ARMH4: variants seen among roughly 807,000 people sequenced by gnomAD.
The protein encoded by ARMH4 is armadillo like helical domain containing 4.
In ARMH4, 49 loss-of-function variants were observed where a neutral mutation model predicts 61.9. That is an observed-to-expected ratio of 0.79 (90% CI 0.63 to 1.00). The LOEUF is 1.00. Among genes scored for constraint, ARMH4 ranks in the 50% least tolerant of loss-of-function variants. The probability of loss-of-function intolerance (pLI) is 0.00; values close to 1 mark genes in which losing one functional copy is unlikely to be tolerated. For missense variants in ARMH4, 934 were observed against 930.0 expected, an observed-to-expected ratio of 1.00 and a Z score of -0.06; for synonymous variants, 368 against 341.5, an observed-to-expected ratio of 1.08 and a Z score of -0.85.
chr14:58,072,788 G>C (rs957455963), intron 5 of ARMH4, among the ~76,000 whole-genome samples: 8 of 152,048 alleles, frequency 5.3e-5, no homozygotes, highest in Non-Finnish European at 1.2e-4. Context: ...ACCTACTGCT[G>C]AGTTCAAGGA....
At chr14:58,146,984 A>G (rs1887752869) in intron 1 of ARMH4, among the ~76,000 whole-genome samples, 1 of 152,172 alleles carries the variant, frequency 6.6e-6, no homozygotes, top group African/African-American at 2.4e-5. Context: ...AGTTCGCTTT[A>G]TATTTTCCTT....
chr14:58,061,563 A>G (rs1022632803), intron 5 of ARMH4, among the ~76,000 whole-genome samples: 2 of 152,224 alleles, frequency 1.3e-5, no homozygotes, highest in African/African-American at 4.8e-5. Flanking sequence ...TCAAGAAAGG[A>G]TATTTCTGAG....
intron 4 of ARMH4, chr14:58,116,388 T>C: frequency 2.6e-6 from 1 of 379,470 alleles, no homozygotes; most frequent in Non-Finnish European, 5.5e-6. Context: ...TTTAAATATT[T>C]TCTTGGCTGG....
At chr14:58,083,102 G>A (rs1885278877) in intron 5 of ARMH4, among the ~76,000 whole-genome samples, 1 of 152,202 alleles carries the variant, frequency 6.6e-6, no homozygotes, top group African/African-American at 2.4e-5. Flanking sequence ...AGTGGATTAT[G>A]AAGAGGGCAA....
At chr14:58,054,264 T>A (rs995557031) in intron 5 of ARMH4, among the ~76,000 whole-genome samples, 2 of 152,054 alleles carry the variant, frequency 1.3e-5, no homozygotes, top group African/African-American at 4.8e-5. Context: ...AATGATCACA[T>A]AAACCTCCCA....
intron 5 of ARMH4, among the ~76,000 whole-genome samples, chr14:58,063,005 C>T (rs1269317086): frequency 1.3e-5 from 2 of 152,310 alleles, no homozygotes; most frequent in Non-Finnish European, 2.9e-5. Flanking sequence ...AAATTTATTC[C>T]TCAGTTCTGA....
At chr14:58,109,229 G>A (rs150858113) in intron 4 of ARMH4, among the ~76,000 whole-genome samples, 1 of 152,214 alleles carries the variant, frequency 6.6e-6, no homozygotes, top group East Asian at 1.9e-4. Context: ...TTTATTGTGA[G>A]GTCAGAAAAA....
At chr14:58,092,439 C>G (rs748897729) in intron 5 of ARMH4, among the ~76,000 whole-genome samples, 1 of 152,204 alleles carries the variant, frequency 6.6e-6, no homozygotes, top group African/African-American at 2.4e-5. Context: ...CCTTAAATAC[C>G]TATTGAAATC....
At chr14:58,065,984 C>T (rs537670402) in intron 5 of ARMH4, among the ~76,000 whole-genome samples, 7 of 152,340 alleles carry the variant, frequency 4.6e-5, no homozygotes, top group African/African-American at 1.7e-4. Context: ...GGCAGATCCT[C>T]TTCAGTGAAT....
rs764857280 is a variant in ARMH4 at position 58,137,983 on chromosome 14, C to A, written c.1369+7G>T. 6.3e-7 allele frequency: 1 copy of A among 1,580,660 alleles called. No individual in the cohort carries two copies. The highest frequency in any genetic ancestry group is 1.2e-5 in the South Asian group (1 of 86,340). On this transcript the variant is annotated splice_region_variant and intron_variant, in intron 2 of 7. Coordinates refer to ENST00000267485, the MANE Select transcript of ARMH4 (RefSeq NM_001001872.4). ...CCAAAGTTTGTTTTTCTTTTTCTTT[C>A]TTTTACCTTTCATTGTATTTCCCAA...
At chr14:58,111,560 C>T (rs1886352499) in intron 4 of ARMH4, among the ~76,000 whole-genome samples, 1 of 152,192 alleles carries the variant, frequency 6.6e-6, no homozygotes, top group African/African-American at 2.4e-5. Context: ...ATCAAGGCAC[C>T]AGCCAGGTGG....
chr14:58,084,295 C>G (rs1885316059), intron 5 of ARMH4, among the ~76,000 whole-genome samples: 1 of 152,200 alleles, frequency 6.6e-6, no homozygotes, highest in Admixed American at 6.5e-5. Context: ...CTTTCTATCT[C>G]TCTGTGGTTT....
intron 1 of ARMH4, among the ~76,000 whole-genome samples, chr14:58,145,783 T>C (rs1830641713): frequency 6.6e-6 from 1 of 152,204 alleles, no homozygotes; most frequent in Non-Finnish European, 1.5e-5. Flanking sequence ...TTTTTCTATG[T>C]CTGTGTATTG....
intron 5 of ARMH4, among the ~76,000 whole-genome samples, chr14:58,069,006 GAAAAA>G (rs11352260): frequency 4.2e-5 from 5 of 119,018 alleles, no homozygotes; most frequent in Non-Finnish European, 8.6e-5. Flanking sequence ...ACTCTGTCTC[GAAAAA>G]AAAAAAAAAA....
In ARMH4 at chr14:58,137,009, T is replaced by A. The variant is rs141840126; in HGVS notation, c.1369+981A>T. On this transcript the variant is annotated intron_variant, in intron 2 of 7. Transcript: ENST00000267485. ...CTTTTTTTGTAAGAAATGTAAGGGA[T>A]GTGAGCATATTTTACAACAATGTGT... Among the ~76,000 whole-genome samples, 538 of 152,344 alleles carry A rather than the reference T, an allele frequency of 3.5e-3. 4 individuals are homozygous for A. Among genetic ancestry groups the A allele is most frequent in the African/African-American group, 0.012 (495 of 41,570 alleles).
intron 5 of ARMH4, among the ~76,000 whole-genome samples, chr14:58,027,651 T>C (rs768924907): frequency 4.4e-4 from 66 of 151,576 alleles, no homozygotes; most frequent in Non-Finnish European, 7.7e-4. Flanking sequence ...TGTGTGTGTG[T>C]GCTGAGAAAA....
chr14:58,043,403 A>T (rs1265722325), intron 5 of ARMH4, among the ~76,000 whole-genome samples: 1 of 152,144 alleles, frequency 6.6e-6, no homozygotes, highest in African/African-American at 2.4e-5. Context: ...AAAATTCAAC[A>T]ACGCTTCATG....
intron 4 of ARMH4, among the ~76,000 whole-genome samples, chr14:58,125,916 C>G (rs1485503885): frequency 6.6e-6 from 1 of 152,170 alleles, no homozygotes; most frequent in Non-Finnish European, 1.5e-5. Flanking sequence ...GGGCTTGCAA[C>G]TTAGCTCACA....
Position 58,011,782 on chromosome 14 carries a change from A to AAAAAAC in ARMH4, c.2121+336_2121+337insGTTTTT, listed in dbSNP as rs71107903. Among the ~76,000 whole-genome samples the AAAAAAC allele has an allele frequency of 8.1e-4, 119 of 146,514 alleles. 2 individuals are homozygous for AAAAAAC. Among genetic ancestry groups the AAAAAAC allele is most frequent in the South Asian group, 1.1e-3 (5 of 4,700 alleles). ...TCATATTAGAAAAAAAAAAAAAAAAACAGATGGAATGAGATGACAATCCTG... is the reference window on the plus strand; with the variant it reads ...TCATATTAGAAAAAAAAAAAAAAAAAAAAAACCAGATGGAATGAGATGACAATCCTG... On this transcript the variant is annotated intron_variant, in intron 6 of 7. Coordinates refer to ENST00000267485, the MANE Select transcript of ARMH4 (RefSeq NM_001001872.4).
Sources: allele counts gnomAD v4.1 joint callset (sites outside exome capture counted in the v4.1 genomes callset), GRCh38; gene constraint gnomAD v4.1.1; transcripts MANE v1.5; gene names NCBI Gene and HGNC (gene_info 2026-07-23, HGNC 2026-07-21).